Variants in MAP2K4 observed in about 807,000 individuals in gnomAD.
MAP2K4 encodes the protein dual specificity mitogen-activated protein kinase kinase 4.
MAP2K4 carries 4 observed loss-of-function variants against 48.5 expected under a neutral mutation model. The ratio of observed to expected loss-of-function variants is 0.08; its 90% CI spans 0.04 to 0.19. The LOEUF is 0.19. MAP2K4 is among the 10% of genes least tolerant of loss of function. MAP2K4 has a pLI of 1.00. For missense variants in MAP2K4, 258 were observed against 493.3 expected, an observed-to-expected ratio of 0.52 and a Z score of 4.52; for synonymous variants, 166 against 173.1, an observed-to-expected ratio of 0.96 and a Z score of 0.32.
intron 3 of MAP2K4, among the ~76,000 whole-genome samples, chr17:12,091,052 AAG>A (rs1971544623): frequency 1.3e-5 from 2 of 152,198 alleles, no homozygotes; most frequent in Non-Finnish European, 2.9e-5. Context: ...TGTCACTGTG[AAG>A]AGAGAGCTCC....
chr17:12,076,797 G>A (rs774178033), intron 2 of MAP2K4, among the ~76,000 whole-genome samples: 20 of 152,002 alleles, frequency 1.3e-4, no homozygotes, highest in Admixed American at 3.9e-4. Flanking sequence ...ATTAGATGTG[G>A]AATAGTAAGG....
intron 1 of MAP2K4, among the ~76,000 whole-genome samples, chr17:12,049,113 G>C (rs1040103223): frequency 1.6e-4 from 24 of 152,102 alleles, no homozygotes; most frequent in Admixed American, 1.6e-3. Flanking sequence ...GGAATTGTGG[G>C]TTACTCATTT....
chr17:12,129,880 T>A (rs1044836950), intron 9 of MAP2K4, among the ~76,000 whole-genome samples: 1 of 152,252 alleles, frequency 6.6e-6, no homozygotes, highest in African/African-American at 2.4e-5. Flanking sequence ...TTTGTGTATA[T>A]GTAGCACCTA....
At chr17:12,071,218 C>G (rs768009477) in intron 2 of MAP2K4, among the ~76,000 whole-genome samples, 3 of 152,184 alleles carry the variant, frequency 2.0e-5, no homozygotes, top group Non-Finnish European at 2.9e-5. Context: ...TTCTGAGATT[C>G]TGGATGGACC....
At chr17:12,022,615 T>TG (rs928404958) in intron 1 of MAP2K4, among the ~76,000 whole-genome samples, 17 of 152,214 alleles carry the variant, frequency 1.1e-4, no homozygotes, top group Non-Finnish European at 2.1e-4. Context: ...ACAGTGTGTT[T>TG]TTTTGGTTCA....
At chr17:12,116,035 C>T (rs1327494850) in intron 7 of MAP2K4, 1 of 361,090 alleles carries the variant, frequency 2.8e-6, no homozygotes, top group African/African-American at 2.1e-5. Flanking sequence ...CGCACTGTTA[C>T]ATGAACTGTG....
chr17:12,034,522 T>G (rs1316298505), intron 1 of MAP2K4, among the ~76,000 whole-genome samples: 14 of 152,222 alleles, frequency 9.2e-5, no homozygotes, highest in Admixed American at 9.2e-4. Context: ...TTTCCAGTTT[T>G]GGGATTCAAC....
chr17:12,104,999 A>G (rs1972060922), intron 4 of MAP2K4, among the ~76,000 whole-genome samples: 1 of 152,122 alleles, frequency 6.6e-6, no homozygotes, highest in South Asian at 2.1e-4. Flanking sequence ...TTCTTTTGCT[A>G]TGATCTGCTT....
intron 8 of MAP2K4, among the ~76,000 whole-genome samples, chr17:12,127,308 T>G (rs1271941552): frequency 6.6e-6 from 1 of 152,202 alleles, no homozygotes; most frequent in East Asian, 1.9e-4. Flanking sequence ...TCGGGCATCT[T>G]TTAGGTTTGG....
chr17:12,042,557 C>T (rs1260944538), intron 1 of MAP2K4, among the ~76,000 whole-genome samples: 2 of 152,014 alleles, frequency 1.3e-5, no homozygotes, highest in African/African-American at 4.8e-5. Context: ...GGGAGTATCG[C>T]CTAAGCTCGG....
intron 1 of MAP2K4, among the ~76,000 whole-genome samples, chr17:12,046,082 C>T (rs547939479): frequency 6.6e-6 from 1 of 152,164 alleles, no homozygotes; most frequent in African/African-American, 2.4e-5. Flanking sequence ...CAGATTAGGC[C>T]GTTCTTATTA....
chr17:12,070,623 T>A (rs895660095), intron 2 of MAP2K4, among the ~76,000 whole-genome samples: 2 of 152,170 alleles, frequency 1.3e-5, no homozygotes, highest in Non-Finnish European at 2.9e-5. Context: ...GCAATTTAGG[T>A]TGCTAGATAC....
intron 7 of MAP2K4, among the ~76,000 whole-genome samples, chr17:12,117,557 A>T (rs1972544383): frequency 6.6e-6 from 1 of 151,798 alleles, no homozygotes; most frequent in Admixed American, 6.6e-5. Flanking sequence ...TCCACACTAT[A>T]CCTCACATGG....
At chr17:12,024,591 A>G (rs990847964) in intron 1 of MAP2K4, among the ~76,000 whole-genome samples, 2 of 152,216 alleles carry the variant, frequency 1.3e-5, no homozygotes, top group African/African-American at 4.8e-5. Flanking sequence ...GTTTTATGAA[A>G]GTATATTTGG....
chr17:12,129,190 G>C lies in MAP2K4; in HGVS notation c.943G>C (p.Asp315His). The C allele has an allele frequency of 6.2e-7, 1 of 1,614,170 alleles. No individual in the cohort carries two copies. Among genetic ancestry groups the C allele is most frequent in the East Asian group, 2.2e-5 (1 of 44,882 alleles). Reference protein sequence around the residue: ...FPYPKWNSVFDQLTQVVKGDP... With the variant: ...FPYPKWNSVFHQLTQVVKGDP... ...TTATCCAAAGTGGAATAGTGTATTT[G>C]ATCAACTAACACAAGTCGTGAAAGG... is the stretch of plus-strand genomic sequence containing the variant. The change falls in exon 9 of 11, where the codon GAT (aspartate) becomes CAT (histidine). Residue 315 changes from aspartate to histidine, a missense_variant. By Grantham distance (81) the Asp-to-His change is moderately conservative. Transcript: ENST00000353533.
At chr17:12,102,828 C>G (rs1192113102) in intron 4 of MAP2K4, among the ~76,000 whole-genome samples, 1 of 151,642 alleles carries the variant, frequency 6.6e-6, no homozygotes, top group African/African-American at 2.4e-5. Flanking sequence ...CATAATATTT[C>G]TTTTTTATTA....
chr17:12,052,697 A>G (rs887461112), intron 1 of MAP2K4, among the ~76,000 whole-genome samples: 39 of 152,218 alleles, frequency 2.6e-4, no homozygotes, highest in African/African-American at 8.2e-4. Context: ...CACAGACTAC[A>G]TGACATATGC....
At chr17:12,095,755 C>G in intron 4 of MAP2K4, 61 bp downstream of exon 4, 1 of 1,561,066 alleles carries the variant, frequency 6.4e-7, no homozygotes, top group East Asian at 2.3e-5. Context: ...ATGAAGATGG[C>G]AGGATTCGAT....
chr17:12,034,826 A>G (rs983841207), intron 1 of MAP2K4, among the ~76,000 whole-genome samples: 1 of 152,154 alleles, frequency 6.6e-6, no homozygotes, highest in East Asian at 1.9e-4. Context: ...GGGTGCTGAG[A>G]GTCTCATGAT....
Sources: allele counts gnomAD v4.1 joint callset (sites outside exome capture counted in the v4.1 genomes callset), GRCh38; gene constraint gnomAD v4.1.1; transcripts MANE v1.5; gene names NCBI Gene and HGNC (gene_info 2026-07-23, HGNC 2026-07-21).